ACACA: variants seen among roughly 807,000 people sequenced by gnomAD.
ACACA encodes acetyl-CoA carboxylase alpha, also known as acetyl-CoA carboxylase 1.
In ACACA, 103 loss-of-function variants were observed where a neutral mutation model predicts 296.1. The ratio of observed to expected loss-of-function variants is 0.35; its 90% CI spans 0.30 to 0.41. The LOEUF (loss-of-function observed/expected upper bound fraction) is 0.41. Among genes scored for constraint, ACACA ranks in the 10% least tolerant of loss-of-function variants. The probability of loss-of-function intolerance (pLI) is 1.00; values close to 1 mark genes in which losing one functional copy is unlikely to be tolerated. For missense variants in ACACA, 1,554 were observed against 2,989.7 expected, an observed-to-expected ratio of 0.52 and a Z score of 11.20; for synonymous variants, 953 against 1,038.6, an observed-to-expected ratio of 0.92 and a Z score of 1.58.
intron 41 of ACACA, among the ~76,000 whole-genome samples, chr17:37,164,128 T>A (rs1567747513): frequency 7.4e-6 from 1 of 134,884 alleles, no homozygotes; most frequent in Non-Finnish European, 1.6e-5. Context: ...ACCTACCAGA[T>A]GAGCTTCCCT....
At chr17:37,157,859 T>C (rs2076313787) in intron 42 of ACACA, among the ~76,000 whole-genome samples, 1 of 152,056 alleles carries the variant, frequency 6.6e-6, no homozygotes, top group African/African-American at 2.4e-5. Flanking sequence ...TACATTCTGT[T>C]GAGAACAGAC....
Position 37,252,124 on chromosome 17 carries a change from A to C in ACACA, c.1978-16T>G. 1 of 1,609,872 alleles carries C rather than the reference A, an allele frequency of 6.2e-7. No homozygotes were observed. The highest frequency in any genetic ancestry group is 1.7e-4 in the Middle Eastern group (1 of 6,042). On this transcript the variant is annotated splice_polypyrimidine_tract_variant and intron_variant, in intron 15 of 55. Coordinates refer to ENST00000616317, the MANE Select transcript of ACACA (RefSeq NM_198834.3). ...GTCGCTCAGCCTGAAAGGAGGAAAAAGAGGGCAGATCAAATGCATGGTCAC... is the reference window on the plus strand; with the variant it reads ...GTCGCTCAGCCTGAAAGGAGGAAAACGAGGGCAGATCAAATGCATGGTCAC...
chr17:37,359,776 G>A (rs2049331324), intron 1 of ACACA, among the ~76,000 whole-genome samples: 1 of 152,106 alleles, frequency 6.6e-6, no homozygotes, highest in African/African-American at 2.4e-5. Context: ...AAGTCTGGGC[G>A]AGCTAAGTAA....
At chr17:37,323,122 C>T (rs1049948988) in intron 3 of ACACA, among the ~76,000 whole-genome samples, 1 of 152,268 alleles carries the variant, frequency 6.6e-6, no homozygotes, top group African/African-American at 2.4e-5. Flanking sequence ...GTCGCAGACA[C>T]CACCCCAAGA....
chr17:37,263,434 T>C (rs1256800381), intron 11 of ACACA, among the ~76,000 whole-genome samples: 5 of 152,228 alleles, frequency 3.3e-5, no homozygotes, highest in African/African-American at 1.2e-4. Flanking sequence ...TTCTCTTCTT[T>C]ATCCCTGTAT....
intron 25 of ACACA, among the ~76,000 whole-genome samples, chr17:37,234,354 G>A (rs981303336): frequency 1.3e-5 from 2 of 152,176 alleles, no homozygotes; most frequent in African/African-American, 2.4e-5. Flanking sequence ...CCCACTGGCT[G>A]AATGCACATT....
intron 41 of ACACA, among the ~76,000 whole-genome samples, chr17:37,170,623 T>C (rs1480076197): frequency 2.0e-5 from 3 of 152,164 alleles, no homozygotes; most frequent in Non-Finnish European, 4.4e-5. Context: ...TATCTATCCA[T>C]ATATGTATTT....
chr17:37,293,480 AC>A (rs2083173482), intron 3 of ACACA, among the ~76,000 whole-genome samples: 1 of 151,672 alleles, frequency 6.6e-6, no homozygotes, highest in Non-Finnish European at 1.5e-5. Flanking sequence ...CCATGTCACA[AC>A]CTTTTCTTAA....
intron 47 of ACACA, among the ~76,000 whole-genome samples, 190 bp downstream of exon 47, chr17:37,129,175 A>G (rs1057109251): frequency 8.6e-5 from 13 of 152,020 alleles, no homozygotes; most frequent in African/African-American, 3.1e-4. Context: ...CATTTTATTT[A>G]TTTTTCATTT....
At chr17:37,301,955 C>G (rs2083638290) in intron 3 of ACACA, among the ~76,000 whole-genome samples, 1 of 152,010 alleles carries the variant, frequency 6.6e-6, no homozygotes. Flanking sequence ...GACTGCCTCT[C>G]CATTTATTTA....
At chr17:37,202,712 TACACAC>T (rs71159694) in intron 33 of ACACA, among the ~76,000 whole-genome samples, 955 of 36,996 alleles carry the variant, frequency 0.026, 32 homozygotes, top group African/African-American at 0.071. Context: ...TATATATATA[TACACAC>T]ACACATATAT....
chr17:37,110,016 TCCAG>T (rs1234940963), intron 52 of ACACA, among the ~76,000 whole-genome samples: 1 of 148,504 alleles, frequency 6.7e-6, no homozygotes, highest in Non-Finnish European at 1.5e-5. Flanking sequence ...AGGGCAGTGA[TCCAG>T]AAGAAGACCG....
Position 37,235,086 on chromosome 17 carries a change from T to C in ACACA, c.3135A>G (p.Lys1045=), listed in dbSNP as rs2080045708. The C allele has an allele frequency of 6.2e-7, 1 of 1,613,582 alleles. No individual in the cohort carries two copies. The highest frequency in any genetic ancestry group is 2.2e-5 in the East Asian group (1 of 44,858). The change falls in exon 25 of 56, where the codon AAA becomes AAG. Residue 1045 remains lysine, a synonymous_variant. Transcript: ENST00000616317. ...ETQFQNGHYD[K]CVFALREENK... ...TCTCTTCTCGGAGGGCGAATACACA[T>C]TTGTCATAGTGACCTGCACACCATG... is the stretch of plus-strand genomic sequence containing the variant.
chr17:37,372,083 C>T (rs999757658), intron 1 of ACACA, among the ~76,000 whole-genome samples: 7 of 151,754 alleles, frequency 4.6e-5, no homozygotes, highest in Non-Finnish European at 8.8e-5. Context: ...AAAAACAAAC[C>T]AAAACAAATG....
At chr17:37,354,681 TTGGGAGGC>T (rs2049051719) in intron 1 of ACACA, among the ~76,000 whole-genome samples, 1 of 152,096 alleles carries the variant, frequency 6.6e-6, no homozygotes, top group South Asian at 2.1e-4. Context: ...TCCCAACACT[TTGGGAGGC>T]TGAAGTCGGA....
At chr17:37,177,421 G>T (rs966629855) in intron 41 of ACACA, among the ~76,000 whole-genome samples, 1 of 151,968 alleles carries the variant, frequency 6.6e-6, no homozygotes, top group Admixed American at 6.6e-5. Flanking sequence ...ACAGAGCTCT[G>T]TCCCTCTGGG....
chr17:37,394,081 G>C (rs375922814), intron 1 of ACACA, among the ~76,000 whole-genome samples: 162 of 152,266 alleles, frequency 1.1e-3, no homozygotes, highest in African/African-American at 3.6e-3. Context: ...ATGTGGATCT[G>C]CAGATCACTT....
rs1282696072 is a variant in ACACA at position 37,243,569 on chromosome 17, A to C, written c.2743-10T>G. ...CTACCCAGTCTTTTACCTAGAAAGAAAGCATTGGTAAAATAGGACCCAAGT... is the reference window on the plus strand; with the variant it reads ...CTACCCAGTCTTTTACCTAGAAAGACAGCATTGGTAAAATAGGACCCAAGT... On this transcript the variant is annotated splice_polypyrimidine_tract_variant and intron_variant, in intron 21 of 55. Transcript: ENST00000616317. 7.4e-6 allele frequency: 12 copies of C among 1,613,274 alleles called. No homozygotes were observed. Among genetic ancestry groups the C allele is most frequent in the Non-Finnish European group, 1.0e-5 (12 of 1,179,666 alleles).
At chr17:37,274,975 T>A (rs1325130347) in intron 8 of ACACA, among the ~76,000 whole-genome samples, 8 of 131,520 alleles carry the variant, frequency 6.1e-5, no homozygotes, top group African/African-American at 2.8e-4. Context: ...AGTGCTTGAG[T>A]ACTTAAGAAA....
Sources: allele counts gnomAD v4.1 joint callset (sites outside exome capture counted in the v4.1 genomes callset), GRCh38; gene constraint gnomAD v4.1.1; transcripts MANE v1.5; gene names NCBI Gene and HGNC (gene_info 2026-07-23, HGNC 2026-07-21).